Variants in PRKAG2 observed in about 807,000 individuals in gnomAD.
The protein encoded by PRKAG2 is 5'-AMP-activated protein kinase subunit gamma-2.
Under a neutral mutation model 69.6 loss-of-function variants are expected in PRKAG2, and 26 were observed. The ratio of observed to expected loss-of-function variants is 0.37; its 90% CI spans 0.27 to 0.52. The LOEUF (loss-of-function observed/expected upper bound fraction) is 0.52. Ranked by LOEUF, PRKAG2 falls within the 20% of genes least tolerant of loss-of-function variation. The pLI is 0.90. For missense variants in PRKAG2, 557 were observed against 740.0 expected, an observed-to-expected ratio of 0.75 and a Z score of 2.87; for synonymous variants, 293 against 285.0, an observed-to-expected ratio of 1.03 and a Z score of -0.28.
rs1022909309 is a variant in PRKAG2 at position 151,807,015 on chromosome 7, G to T, written c.115-20474C>A. ...TGTGTCCACCTGGGTTCAGAATTGCGCTGGACATGGGATACACAAAGGTAA... is the reference window on the plus strand; with the variant it reads ...TGTGTCCACCTGGGTTCAGAATTGCTCTGGACATGGGATACACAAAGGTAA... On this transcript the variant is annotated intron_variant, in intron 1 of 15. Transcript: ENST00000287878. The surrounding 1 kb of genome is among the most constrained non-coding windows in gnomAD (Gnocchi z 4.4). 1 of 455,394 alleles carries T rather than the reference G, an allele frequency of 2.2e-6. No individual in the cohort carries two copies. Among genetic ancestry groups the T allele is most frequent in the Admixed American group, 2.4e-5 (1 of 42,032 alleles). 28.2% of individuals were successfully genotyped at this position (455,394 alleles called of 1,614,324 possible).
rs906907063 is a variant in PRKAG2, at chr7:151,638,872, A to G, written c.685-6734T>C. On this transcript the variant is annotated intron_variant, in intron 4 of 15. Transcript: ENST00000287878. The surrounding 1 kb of genome is among the most constrained non-coding windows in gnomAD (Gnocchi z 4.3). ...AATCAACCTCAAATACTGGGTAAGG[A>G]GCTCCTGAATAATTTAGCATACAGA... 6.6e-6 allele frequency among the ~76,000 whole-genome samples: 1 copy of G among 152,170 alleles called. No homozygotes were observed. The highest frequency in any genetic ancestry group is 2.4e-5 in the African/African-American group (1 of 41,434).
At chr7:151,687,256 C>T (rs1445486867) in intron 3 of PRKAG2, among the ~76,000 whole-genome samples, 2 of 152,200 alleles carry the variant, frequency 1.3e-5, no homozygotes, top group African/African-American at 2.4e-5. Flanking sequence ...GGACCCAAAA[C>T]GTAACCCTAG....
At chr7:151,747,912 AACTT>A (rs2074397381) in intron 3 of PRKAG2, among the ~76,000 whole-genome samples, 2 of 149,302 alleles carry the variant, frequency 1.3e-5, no homozygotes, top group South Asian at 4.2e-4. Context: ...GGGGCAAAAA[AACTT>A]ACTTTTTTTT....
At chr7:151,680,450 T>G (rs1563413065) in intron 3 of PRKAG2, among the ~76,000 whole-genome samples, 2 of 152,220 alleles carry the variant, frequency 1.3e-5, no homozygotes, top group South Asian at 4.1e-4. Context: ...CAGAGCCATC[T>G]GTATCGAATG....
At chr7:151,776,936 A>G (rs991649553) in intron 3 of PRKAG2, among the ~76,000 whole-genome samples, 2 of 152,156 alleles carry the variant, frequency 1.3e-5, no homozygotes, top group Non-Finnish European at 2.9e-5. Flanking sequence ...TCTGAGCCCC[A>G]GCCTCATCCC....
chr7:151,565,418 T>C (rs770911441), intron 12 of PRKAG2, 35 bp from the exon 13 acceptor site: 1 of 1,282,192 alleles, frequency 7.8e-7, no homozygotes, highest in Admixed American at 2.2e-5. Flanking sequence ...AAAAATGTCT[T>C]AAGGGACAAA....
intron 1 of PRKAG2, among the ~76,000 whole-genome samples, chr7:151,826,010 G>A (rs2078896931): frequency 6.6e-6 from 1 of 152,108 alleles, no homozygotes; most frequent in African/African-American, 2.4e-5. Flanking sequence ...TCCCACATTT[G>A]AAGAAGCCCC....
chr7:151,870,414 C>T (rs2080193721), intron 1 of PRKAG2, among the ~76,000 whole-genome samples: 1 of 152,204 alleles, frequency 6.6e-6, no homozygotes, highest in Non-Finnish European at 1.5e-5. Context: ...ACACTGGGAG[C>T]TTCTACATAA....
At chr7:151,710,049 G>A (rs926227901) in intron 3 of PRKAG2, among the ~76,000 whole-genome samples, 2 of 152,186 alleles carry the variant, frequency 1.3e-5, no homozygotes, top group Non-Finnish European at 2.9e-5. Context: ...AAGGGTGGCC[G>A]GAGCCCAGTG....
At chr7:151,599,815 C>A (rs1815579947) in intron 5 of PRKAG2, among the ~76,000 whole-genome samples, 2 of 152,198 alleles carry the variant, frequency 1.3e-5, no homozygotes, top group Admixed American at 6.5e-5. Context: ...GTTCATGGCC[C>A]CAGGATTGGG....
intron 4 of PRKAG2, among the ~76,000 whole-genome samples, chr7:151,660,953 C>G (rs1033580033): frequency 6.6e-6 from 1 of 152,202 alleles, no homozygotes; most frequent in Non-Finnish European, 1.5e-5. Context: ...TTTCAGTAGA[C>G]AGTCAGTAGC....
chr7:151,796,652 C>T (rs1475594469), intron 1 of PRKAG2, among the ~76,000 whole-genome samples: 2 of 152,120 alleles, frequency 1.3e-5, no homozygotes, highest in Non-Finnish European at 2.9e-5. Flanking sequence ...GCAAGGACCG[C>T]GTCTTTTTCA....
At chr7:151,855,306 A>ACACACACCATCCTC (rs2079718163) in intron 1 of PRKAG2, among the ~76,000 whole-genome samples, 1 of 10,290 alleles carries the variant, frequency 9.7e-5, no homozygotes, top group Non-Finnish European at 1.5e-4. Context: ...ACCACCCTCC[A>ACACACACCATCCTC]CACACACCAC....
At chr7:151,562,812 A>G (rs1584927496) in intron 14 of PRKAG2, among the ~76,000 whole-genome samples, 1 of 91,446 alleles carries the variant, frequency 1.1e-5, no homozygotes, top group African/African-American at 5.9e-5. Context: ...CTAAAAATAC[A>G]AAAAATTAGG....
chr7:151,671,611 C>A (rs1832054385), intron 4 of PRKAG2, among the ~76,000 whole-genome samples: 1 of 152,250 alleles, frequency 6.6e-6, no homozygotes, highest in African/African-American at 2.4e-5. Flanking sequence ...TGAATAGCGT[C>A]CTCTGAAAAG....
chr7:151,792,038 C>G (rs2077292379), intron 1 of PRKAG2, among the ~76,000 whole-genome samples: 1 of 152,210 alleles, frequency 6.6e-6, no homozygotes, highest in African/African-American at 2.4e-5. Context: ...CTGCTCCTAG[C>G]TCAGAACTCT....
rs200713223 is a variant in PRKAG2 at position 151,873,961 on chromosome 7, T to TATGTATATGTATATG, written c.114+2531_114+2545dup. Among the ~76,000 whole-genome samples the TATGTATATGTATATG allele has an allele frequency of 7.2e-3, 1,073 of 148,502 alleles. 18 individuals carry two copies. The highest frequency in any genetic ancestry group is 0.026 in the African/African-American group (1,021 of 38,828). On this transcript the variant is annotated intron_variant, in intron 1 of 15. Transcript: ENST00000287878. Reference sequence around the variant, plus strand: ...TTTAAAAAACTAGGTGTCTGATGTATATGTATATGTATATGATGTATATGT... The same window carrying TATGTATATGTATATG: ...TTTAAAAAACTAGGTGTCTGATGTATATGTATATGTATATGATGTATATGTATATGATGTATATGT...
intron 3 of PRKAG2, among the ~76,000 whole-genome samples, chr7:151,751,200 C>T (rs1563590883): frequency 6.6e-6 from 1 of 150,766 alleles, no homozygotes; most frequent in Non-Finnish European, 1.5e-5. Context: ...CAGGTTCATG[C>T]TATTCTCCTG....
In PRKAG2 at chr7:151,777,477, A is replaced by G. The variant is rs907819008; in HGVS notation, c.466+3675T>C. Among the ~76,000 whole-genome samples the G allele has an allele frequency of 1.3e-5, 2 of 152,268 alleles. No homozygotes were observed. The highest frequency in any genetic ancestry group is 3.9e-4 in the East Asian group (2 of 5,166). On this transcript the variant is annotated intron_variant, in intron 3 of 15. Transcript: ENST00000287878. The surrounding 1 kb of genome is among the most constrained non-coding windows in gnomAD (Gnocchi z 4.3). Reference sequence around the variant, plus strand: ...GCTGGGTTGCCTCCCTGCGGCAGTGAGTCCTGCTCTCTTAGCTGGGTGCTT... The same window carrying G: ...GCTGGGTTGCCTCCCTGCGGCAGTGGGTCCTGCTCTCTTAGCTGGGTGCTT...
Sources: gnomAD v4.1 joint callset for allele counts (sites outside exome capture counted in the v4.1 genomes callset) on GRCh38, gnomAD v4.1.1 for gene constraint, Gnocchi (gnomAD v3.1) non-coding constraint, MANE v1.5 for transcripts, NCBI Gene and HGNC (gene_info 2026-07-23, HGNC 2026-07-21) for gene names.